MAP3K7CL: variants seen among roughly 807,000 people sequenced by gnomAD.
The protein encoded by MAP3K7CL is MAP3K7 C-terminal-like protein.
Under a neutral mutation model 18.6 loss-of-function variants are expected in MAP3K7CL, and 16 were observed. That is an observed-to-expected ratio of 0.86 (90% CI 0.58 to 1.31). The LOEUF is 1.31. Among genes scored for constraint, MAP3K7CL ranks in the 50% most tolerant of loss-of-function variants. MAP3K7CL has a pLI of 0.00. For synonymous variants in MAP3K7CL, 65 were observed against 66.8 expected, an observed-to-expected ratio of 0.97 and a Z score of 0.13; for missense variants, 163 against 174.4, an observed-to-expected ratio of 0.93 and a Z score of 0.37.
At chr21:29,128,216 C>T (rs1937879566), upstream of MAP3K7CL, 1 of 152,202 alleles carries the variant, frequency 6.6e-6, no homozygotes, top group Non-Finnish European at 1.5e-5. Flanking sequence ...TCAGATGAAC[C>T]TGGATACTGG....
upstream of MAP3K7CL, among the ~76,000 whole-genome samples, chr21:29,130,023 T>A (rs993034302): frequency 6.6e-6 from 1 of 152,216 alleles, no homozygotes; most frequent in African/African-American, 2.4e-5. Flanking sequence ...GTTGTTGAAT[T>A]TTAAGAGTTC....
intron 4 of MAP3K7CL, among the ~76,000 whole-genome samples, chr21:29,111,255 C>CA (rs1568941552): frequency 1.4e-5 from 2 of 143,766 alleles, no homozygotes; most frequent in African/African-American, 5.1e-5. Context: ...GACTCCTTCT[C>CA]AAAAAAAGAA....
At chr21:29,142,034 T>G (rs1464879912) in intron 2 of MAP3K7CL, among the ~76,000 whole-genome samples, 2 of 152,144 alleles carry the variant, frequency 1.3e-5, no homozygotes, top group African/African-American at 4.8e-5. Context: ...ATTTTTTTTT[T>G]TTTTACTATC....
In MAP3K7CL at chr21:29,104,945, C is replaced by G. The variant is rs1030273326; in HGVS notation, c.370+12364C>G. Reference sequence around the variant, plus strand: ...TAGTTTTTCATGAATCACCAGCTCTCCTGGAGAAACTCAGGGTTCTAATTA... The same window carrying G: ...TAGTTTTTCATGAATCACCAGCTCTGCTGGAGAAACTCAGGGTTCTAATTA... On this transcript the variant is annotated intron_variant, in intron 4 of 6. Coordinates refer to the MAP3K7CL transcript ENST00000286791. Among the ~76,000 whole-genome samples the G allele has an allele frequency of 2.6e-5, 4 of 152,176 alleles. No individual in the cohort carries two copies. The East Asian group carries it at 7.7e-4, about 29-fold the overall frequency.
chr21:29,174,664 T>A (rs1378032500), intron 4 of MAP3K7CL, 48 bp from the exon 5 acceptor site: 4 of 1,591,122 alleles, frequency 2.5e-6, no homozygotes, highest in Non-Finnish European at 3.4e-6. Flanking sequence ...TTTAATTTGC[T>A]TGCATTGAAT....
chr21:29,146,545 T>G (rs1308772786), intron 2 of MAP3K7CL, among the ~76,000 whole-genome samples: 3 of 152,200 alleles, frequency 2.0e-5, no homozygotes, highest in African/African-American at 7.2e-5. Context: ...CTGGTCTAAG[T>G]AGAGCATTCA....
intron 1 of MAP3K7CL, among the ~76,000 whole-genome samples, chr21:29,132,769 CA>C (rs1278917239): frequency 6.6e-6 from 1 of 152,112 alleles, no homozygotes; most frequent in Non-Finnish European, 1.5e-5. Flanking sequence ...CTCGGCCTCC[CA>C]AAGTGTTGGG....
At chr21:29,153,676 T>C (rs961965625) in intron 3 of MAP3K7CL, among the ~76,000 whole-genome samples, 1 of 152,170 alleles carries the variant, frequency 6.6e-6, no homozygotes, top group Non-Finnish European at 1.5e-5. Flanking sequence ...CTCAAACTCC[T>C]GTGCTCAAGG....
intron 3 of MAP3K7CL, among the ~76,000 whole-genome samples, chr21:29,158,334 T>C (rs1476639710): frequency 1.3e-5 from 2 of 152,158 alleles, no homozygotes; most frequent in Non-Finnish European, 2.9e-5. Context: ...TATTTTTCAA[T>C]TGAATCCCGT....
intron 2 of MAP3K7CL, among the ~76,000 whole-genome samples, chr21:29,134,727 G>A (rs1431480772): frequency 2.0e-5 from 3 of 152,050 alleles, no homozygotes; most frequent in African/African-American, 7.2e-5. Context: ...GTCATAATAA[G>A]CATTTGCCTG....
intron 2 of MAP3K7CL, among the ~76,000 whole-genome samples, chr21:29,137,364 A>G (rs2086908570): frequency 6.6e-6 from 1 of 152,210 alleles, no homozygotes; most frequent in African/African-American, 2.4e-5. Flanking sequence ...TGTGCAAAAG[A>G]GAACAGCATG....
At chr21:29,085,787 G>A, upstream of MAP3K7CL, 2 of 1,480,910 alleles carry the variant, frequency 1.4e-6, no homozygotes, top group Non-Finnish European at 1.9e-6. Flanking sequence ...CTTTGATGCA[G>A]AATCATAACT....
chr21:29,171,462 T>C (rs188014040), intron 4 of MAP3K7CL, among the ~76,000 whole-genome samples: 2 of 152,338 alleles, frequency 1.3e-5, no homozygotes, highest in Admixed American at 1.3e-4. Context: ...TCCTTGTCTT[T>C]TTTTCAGGAT....
chr21:29,157,817 CCTT>C (rs2087444029), intron 3 of MAP3K7CL, among the ~76,000 whole-genome samples: 1 of 152,122 alleles, frequency 6.6e-6, no homozygotes. Context: ...AAGGCCTCTC[CCTT>C]CTTAAGAAAG....
At chr21:29,109,691 G>A (rs760558961) in intron 4 of MAP3K7CL, 99 of 986,944 alleles carry the variant, frequency 1.0e-4, no homozygotes, top group Admixed American at 1.8e-4. Context: ...GCATGATCTC[G>A]GCTCACTGCA....
intron 4 of MAP3K7CL, among the ~76,000 whole-genome samples, chr21:29,110,868 A>G (rs1239293742): frequency 6.6e-6 from 1 of 152,152 alleles, no homozygotes; most frequent in Non-Finnish European, 1.5e-5. Context: ...TGGATGCAAT[A>G]TCTTAAATCT....
rs35612617 is a variant in MAP3K7CL at position 29,172,241 on chromosome 21, C to CTTTTTTTTTTTTTTTT, written c.249-2466_249-2451dup. ...AGCACATTGCCTGTGTTGTCATTTT[C>CTTTTTTTTTTTTTTTT]TTTTTTTTTTTTTTTTTTTTGGTTT... On this transcript the variant is annotated intron_variant, in intron 4 of 4. Transcript: ENST00000399928. Among the ~76,000 whole-genome samples, 64 of 126,280 alleles carry CTTTTTTTTTTTTTTTT rather than the reference C, an allele frequency of 5.1e-4. 1 individual carries two copies. Among genetic ancestry groups the CTTTTTTTTTTTTTTTT allele is most frequent in the Middle Eastern group, 4.5e-3 (1 of 222 alleles). The allele number at this position is 126,280 out of a possible 152,430, so 82.8% of individuals were successfully genotyped here. A position where few individuals can be genotyped will look rare whatever the true frequency, so the allele number is the denominator to read the frequency against.
At chr21:29,133,631 A>AT (rs561499013) in intron 2 of MAP3K7CL, among the ~76,000 whole-genome samples, 456 of 152,028 alleles carry the variant, frequency 3.0e-3, no homozygotes, top group Non-Finnish European at 5.5e-3. Context: ...ATTTAAACTC[A>AT]TTTTTTTTCT....
intron 4 of MAP3K7CL, chr21:29,109,607 T>G (rs2086384575): frequency 1.0e-6 from 1 of 1,000,558 alleles, no homozygotes; most frequent in African/African-American, 1.7e-5. Flanking sequence ...AGCACATTAT[T>G]CCCCTCGTCA....
Sources: gnomAD v4.1 joint callset for allele counts (sites outside exome capture counted in the v4.1 genomes callset) on GRCh38, gnomAD v4.1.1 for gene constraint, MANE v1.5 for transcripts, NCBI Gene and HGNC (gene_info 2026-07-23, HGNC 2026-07-21) for gene names.